Variants in MERTK observed in about 807,000 individuals in gnomAD.
The protein encoded by MERTK is MER proto-oncogene, tyrosine kinase, also known as tyrosine-protein kinase Mer.
A neutral mutation model predicts 99.3 loss-of-function variants in MERTK; 69 were observed. That is an observed-to-expected ratio of 0.70 (90% CI 0.57 to 0.85). MERTK has a LOEUF of 0.85. MERTK is among the 40% of genes least tolerant of loss of function. The probability of loss-of-function intolerance (pLI) is 0.00; values close to 1 mark genes in which losing one functional copy is unlikely to be tolerated. For missense variants in MERTK, 1,125 were observed against 1,249.4 expected, an observed-to-expected ratio of 0.90 and a Z score of 1.50; for synonymous variants, 426 against 467.6, an observed-to-expected ratio of 0.91 and a Z score of 1.15.
chr2:112,016,832 G>A (rs1464325526), intron 15 of MERTK, among the ~76,000 whole-genome samples: 6 of 152,236 alleles, frequency 3.9e-5, no homozygotes, highest in African/African-American at 1.2e-4. Context: ...GCTCACGCCT[G>A]TAATCCCAGC....
At chr2:111,932,881 C>A (rs892408982) in intron 2 of MERTK, among the ~76,000 whole-genome samples, 1 of 151,934 alleles carries the variant, frequency 6.6e-6, no homozygotes, top group Admixed American at 6.6e-5. Flanking sequence ...TCTCTCTGGC[C>A]GAAGGGGACG....
intron 2 of MERTK, among the ~76,000 whole-genome samples, chr2:111,939,133 G>T (rs1288753535): frequency 1.3e-5 from 2 of 152,074 alleles, no homozygotes; most frequent in Non-Finnish European, 2.9e-5. Context: ...AAGGAGGCTG[G>T]GACATTCAAG....
At chr2:111,963,280 G>A (rs746918474) in intron 4 of MERTK, among the ~76,000 whole-genome samples, 7 of 150,762 alleles carry the variant, frequency 4.6e-5, no homozygotes, top group African/African-American at 1.5e-4. Context: ...GGTTTTATAC[G>A]GAGACATTCC....
chr2:111,960,480 C>CAAAAA (rs61179378), intron 4 of MERTK, among the ~76,000 whole-genome samples: 342 of 74,170 alleles, frequency 4.6e-3, no homozygotes, highest in East Asian at 8.7e-3. Flanking sequence ...GTCTCAGTCT[C>CAAAAA]AAAAAAAAAA....
chr2:111,928,741 C>T lies in MERTK; in HGVS notation c.62-379C>T, dbSNP rs527686419. On this transcript the variant is annotated intron_variant, in intron 1 of 18. Coordinates refer to ENST00000295408, the MANE Select transcript of MERTK (RefSeq NM_006343.3). ...CCTCAGGTGATCCTCCTGTCTCGAC[C>T]TCCCAAAGTGCCAAGATTACAGGTG... Among the ~76,000 whole-genome samples, 88 of 152,334 alleles carry T rather than the reference C, an allele frequency of 5.8e-4. No homozygotes were observed. The South Asian group carries it at 0.011, about 19-fold the overall frequency.
Position 111,994,684 on chromosome 2 carries a change from T to C in MERTK, c.1450+280T>C, listed in dbSNP as rs1339040072. On this transcript the variant is annotated intron_variant, in intron 9 of 18. Coordinates refer to ENST00000295408, the MANE Select transcript of MERTK (RefSeq NM_006343.3). ...GTCCCAGCTACTTGGGAGGCTGAGG[T>C]GGGAGAAGTGCTTGAACCCAGGAGG... 6 of 433,824 alleles carry C rather than the reference T, an allele frequency of 1.4e-5. No homozygotes were observed. In the East Asian group the frequency reaches 3.2e-4, roughly 23 times the overall value. The allele number at this position is 433,824 out of a possible 1,614,324, so 26.9% of individuals were successfully genotyped here.
intron 12 of MERTK, among the ~76,000 whole-genome samples, 178 bp from the exon 13 acceptor site, chr2:112,003,726 C>A (rs890674700): frequency 2.0e-5 from 3 of 152,166 alleles, no homozygotes; most frequent in African/African-American, 7.2e-5. Context: ...AAGCAGGAGA[C>A]TAGAGCGTGG....
intron 1 of MERTK, among the ~76,000 whole-genome samples, chr2:111,922,425 C>T (rs933167495): frequency 2.6e-5 from 4 of 152,184 alleles, no homozygotes; most frequent in African/African-American, 7.2e-5. Context: ...ATCCCAAGCC[C>T]GATGTATATT....
At chr2:111,976,565 T>TGA (rs1362210250) in intron 7 of MERTK, among the ~76,000 whole-genome samples, 3 of 146,578 alleles carry the variant, frequency 2.0e-5, no homozygotes, top group Non-Finnish European at 4.5e-5. Context: ...TGTGTGTGTG[T>TGA]GTGTGTAGGT....
At chr2:112,004,486 G>T (rs967934802) in intron 13 of MERTK, among the ~76,000 whole-genome samples, 1 of 152,182 alleles carries the variant, frequency 6.6e-6, no homozygotes, top group Admixed American at 6.5e-5. Flanking sequence ...TTTGGTCAAG[G>T]CATATGAAGA....
At chr2:112,021,363 G>C in intron 16 of MERTK, 59 bp from the exon 17 acceptor site, 1 of 1,608,420 alleles carries the variant, frequency 6.2e-7, no homozygotes, top group South Asian at 1.1e-5. Flanking sequence ...GTCTGATACA[G>C]ACCAGTAATT....
intron 9 of MERTK, chr2:111,997,058 G>T: frequency 4.2e-6 from 2 of 477,276 alleles, no homozygotes; most frequent in Non-Finnish European, 7.6e-6. Context: ...ATTAATAATT[G>T]AAAAATTGTA....
chr2:111,942,000 G>A (rs927984243), intron 2 of MERTK, among the ~76,000 whole-genome samples: 8 of 152,118 alleles, frequency 5.3e-5, no homozygotes, highest in Admixed American at 3.9e-4. Flanking sequence ...TCGGCTTCTG[G>A]GGGCTCTGCA....
At chr2:111,990,378 A>G (rs1676592772) in intron 8 of MERTK, among the ~76,000 whole-genome samples, 1 of 152,108 alleles carries the variant, frequency 6.6e-6, no homozygotes, top group African/African-American at 2.4e-5. Context: ...ATAACCCTTG[A>G]CCATCTCCAA....
chr2:111,977,635 A>AT (rs1292146071), intron 7 of MERTK, among the ~76,000 whole-genome samples: 3 of 151,550 alleles, frequency 2.0e-5, no homozygotes, highest in African/African-American at 2.4e-5. Flanking sequence ...ATTTCTTCAC[A>AT]TTTTTTTTCT....
chr2:111,969,626 A>G (rs1676042440), intron 6 of MERTK, among the ~76,000 whole-genome samples: 1 of 151,932 alleles, frequency 6.6e-6, no homozygotes, highest in Non-Finnish European at 1.5e-5. Flanking sequence ...TCCTTCCCTG[A>G]AGAGTAAAAG....
chr2:111,920,542 TG>T (rs1301064694), intron 1 of MERTK, among the ~76,000 whole-genome samples: 1 of 149,524 alleles, frequency 6.7e-6, no homozygotes, highest in Non-Finnish European at 1.5e-5. Context: ...TCAGGTCAAG[TG>T]AGTTCTGATT....
At chr2:111,964,398 T>TGTGG (rs771063715) in intron 4 of MERTK, among the ~76,000 whole-genome samples, 12 of 81,070 alleles carry the variant, frequency 1.5e-4, no homozygotes, top group South Asian at 3.8e-4. Flanking sequence ...TGTGTGTGTG[T>TGTGG]GCGCGCGCGC....
Position 112,021,028 on chromosome 2 carries a change from T to C in MERTK, c.2190-394T>C, listed in dbSNP as rs1306761919. ...GGCCAACATGGTGACACTCCATGTC[T>C]ACTAAAAAAAAAAAAAAAAAAATTA... On this transcript the variant is annotated intron_variant, in intron 16 of 18. Coordinates refer to ENST00000295408, the MANE Select transcript of MERTK (RefSeq NM_006343.3). 3.4e-5 allele frequency among the ~76,000 whole-genome samples: 5 copies of C among 146,158 alleles called. No homozygotes were observed. The East Asian group carries it at 1.0e-3, about 29-fold the overall frequency.
Sources: allele counts gnomAD v4.1 joint callset (sites outside exome capture counted in the v4.1 genomes callset), GRCh38; gene constraint gnomAD v4.1.1; transcripts MANE v1.5; gene names NCBI Gene and HGNC (gene_info 2026-07-23, HGNC 2026-07-21).